SPOCK3: variants seen among roughly 807,000 people sequenced by gnomAD.
SPOCK3 encodes the protein testican-3.
Under a neutral mutation model 56.6 loss-of-function variants are expected in SPOCK3, and 30 were observed. The ratio of observed to expected loss-of-function variants is 0.53; its 90% confidence interval spans 0.40 to 0.72. The LOEUF is 0.72. Ranked by LOEUF, SPOCK3 falls within the 30% of genes least tolerant of loss-of-function variation. The pLI, the probability that SPOCK3 is intolerant of heterozygous loss-of-function variation, is 0.00. For missense variants in SPOCK3, 527 were observed against 530.0 expected (o/e 0.99, Z 0.06); for synonymous variants, 196 against 183.3 (o/e 1.07, Z -0.56).
intron 2 of SPOCK3, among the ~76,000 whole-genome samples, chr4:167,076,050 T>G (rs1211949910): frequency 1.3e-5 from 2 of 151,916 alleles, no homozygotes; most frequent in Non-Finnish European, 2.9e-5. Flanking sequence ...AGTTACTCTA[T>G]GAAGGCTGTA....
At chr4:167,201,880 T>C (rs1475714572) in intron 2 of SPOCK3, among the ~76,000 whole-genome samples, 2 of 151,914 alleles carry the variant, frequency 1.3e-5, no homozygotes, top group Non-Finnish European at 2.9e-5. Context: ...ACTGATGGTA[T>C]GATTTATGTA....
At chr4:167,125,223 ATTTATTTT>A (rs1762172610) in intron 2 of SPOCK3, among the ~76,000 whole-genome samples, 1 of 146,670 alleles carries the variant, frequency 6.8e-6, no homozygotes, top group African/African-American at 2.5e-5. Context: ...TTATTTATTT[ATTTATTTT>A]TATTTATTTT....
rs1278571766 is a variant in SPOCK3, at chr4:166,978,480, T to A, written c.350+21869A>T. 4.6e-5 allele frequency among the ~76,000 whole-genome samples: 7 copies of A among 152,286 alleles called. No homozygotes were observed. The East Asian group carries it at 1.4e-3, about 29-fold the overall frequency. The stretch of plus-strand genomic sequence containing the variant: ...GTCAGAGATGAATAAAAAACACAGA[T>A]GAATTTATTTTGTGCTGCTTAGTTT... On this transcript the variant is annotated intron_variant, in intron 4 of 10. Transcript: ENST00000357545.
At chr4:167,200,334 C>T (rs1029059850) in intron 2 of SPOCK3, among the ~76,000 whole-genome samples, 1 of 151,962 alleles carries the variant, frequency 6.6e-6, no homozygotes, top group East Asian at 1.9e-4. Flanking sequence ...GTCTATTTCA[C>T]TGACACAGGT....
intron 2 of SPOCK3, among the ~76,000 whole-genome samples, chr4:167,147,306 C>G (rs1316085719): frequency 6.6e-6 from 1 of 152,082 alleles, no homozygotes; most frequent in Non-Finnish European, 1.5e-5. Context: ...GAAATTGAGG[C>G]AGCAATTAAT....
intron 3 of SPOCK3, among the ~76,000 whole-genome samples, chr4:167,009,279 G>C (rs1172630290): frequency 5.9e-5 from 9 of 151,970 alleles, no homozygotes; most frequent in Admixed American, 5.9e-4. Flanking sequence ...AAAGAAAATG[G>C]GAACTAGATT....
chr4:166,877,128 T>G (rs894008853), intron 6 of SPOCK3, among the ~76,000 whole-genome samples: 1 of 152,130 alleles, frequency 6.6e-6, no homozygotes, highest in South Asian at 2.1e-4. Flanking sequence ...ATTTAAAGGG[T>G]TTGTGCAAGA....
intron 5 of SPOCK3, among the ~76,000 whole-genome samples, chr4:166,897,049 T>C (rs1437643666): frequency 6.6e-6 from 1 of 152,192 alleles, no homozygotes; most frequent in African/African-American, 2.4e-5. Context: ...CGTTGAGATA[T>C]GACAGTTTGT....
intron 2 of SPOCK3, among the ~76,000 whole-genome samples, chr4:167,133,153 A>T (rs749810710): frequency 6.6e-6 from 1 of 152,172 alleles, no homozygotes; most frequent in Non-Finnish European, 1.5e-5. Flanking sequence ...TAAATTAAGG[A>T]TCTTGAGATA....
intron 2 of SPOCK3, among the ~76,000 whole-genome samples, chr4:167,211,448 C>T (rs1366616917): frequency 3.9e-5 from 6 of 152,008 alleles, no homozygotes; most frequent in Admixed American, 1.3e-4. Flanking sequence ...GGGCCAGGGG[C>T]GGAATGACAT....
intron 6 of SPOCK3, among the ~76,000 whole-genome samples, chr4:166,797,383 C>A (rs948924277): frequency 6.7e-6 from 1 of 149,672 alleles, no homozygotes; most frequent in Non-Finnish European, 1.5e-5. Flanking sequence ...TTCAGATAAA[C>A]CTGGCTACAA....
chr4:167,201,852 C>T (rs1733550579), intron 2 of SPOCK3, among the ~76,000 whole-genome samples: 1 of 151,736 alleles, frequency 6.6e-6, no homozygotes, highest in Admixed American at 6.6e-5. Context: ...ACCTGCAGAC[C>T]TTTCTAGAAT....
intron 6 of SPOCK3, among the ~76,000 whole-genome samples, chr4:166,835,988 A>G (rs1228627581): frequency 6.6e-6 from 1 of 152,184 alleles, no homozygotes; most frequent in East Asian, 1.9e-4. Flanking sequence ...CCTGGGCAAC[A>G]AGAGCAAAAC....
At chr4:167,074,562 G>A (rs571501400) in intron 2 of SPOCK3, among the ~76,000 whole-genome samples, 5 of 151,972 alleles carry the variant, frequency 3.3e-5, no homozygotes, top group South Asian at 4.1e-4. Context: ...CCAAGAGAGC[G>A]TGAGAGGATG....
intron 6 of SPOCK3, among the ~76,000 whole-genome samples, chr4:166,840,771 G>GTGTTTTTTTT (rs1199637070): frequency 1.5e-5 from 1 of 68,194 alleles, no homozygotes; most frequent in East Asian, 4.3e-4. Flanking sequence ...AGAAGCAAAA[G>GTGTTTTTTTT]TTTTTTTTTT....
chr4:167,098,124 C>T (rs116783916), intron 2 of SPOCK3, among the ~76,000 whole-genome samples: 21 of 152,004 alleles, frequency 1.4e-4, no homozygotes, highest in Admixed American at 2.6e-4. Context: ...AGACCTGTGA[C>T]GCAACTCTTA....
intron 3 of SPOCK3, among the ~76,000 whole-genome samples, chr4:167,039,415 A>T (rs1463051243): frequency 1.3e-5 from 2 of 152,208 alleles, no homozygotes; most frequent in Non-Finnish European, 2.9e-5. Flanking sequence ...CATAGGTGAC[A>T]ATAACACTTA....
At chr4:166,969,710 CTT>C (rs1745165828) in intron 4 of SPOCK3, among the ~76,000 whole-genome samples, 1 of 152,118 alleles carries the variant, frequency 6.6e-6, no homozygotes, top group Non-Finnish European at 1.5e-5. Flanking sequence ...AATTAAACCT[CTT>C]TTCTTCATAT....
rs189724084 is a variant in SPOCK3 at position 167,090,090 on chromosome 4, T to C, written c.190-27553A>G. ...CGAACCAAAGTGCTATGCATATTTA[T>C]AACAAGTTTTGTGTGGACATATGTT... On this transcript the variant is annotated intron_variant, in intron 2 of 10. Transcript: ENST00000357545. Among the ~76,000 whole-genome samples, 208 of 152,308 alleles carry C rather than the reference T, an allele frequency of 1.4e-3. 1 individual carries two copies. Among genetic ancestry groups the C allele is most frequent in the Middle Eastern group, 3.4e-3 (1 of 294 alleles).
Sources: allele counts gnomAD v4.1 joint callset (sites outside exome capture counted in the v4.1 genomes callset), GRCh38; gene constraint gnomAD v4.1.1; transcripts MANE v1.5; gene names NCBI Gene and HGNC (gene_info 2026-07-23, HGNC 2026-07-21).